Variants in PHF21A observed in about 807,000 individuals in gnomAD.
PHF21A encodes PHD finger protein 21A, also known as BHC80a.
Under a neutral mutation model 82.5 loss-of-function variants are expected in PHF21A, and 11 were observed. The ratio of observed to expected loss-of-function variants is 0.13; its 90% CI spans 0.08 to 0.22. The LOEUF (loss-of-function observed/expected upper bound fraction) is 0.22, where lower values mean the gene tolerates loss of function less well. Ranked by LOEUF, PHF21A falls within the 10% of genes least tolerant of loss-of-function variation. PHF21A has a pLI of 1.00. For synonymous variants in PHF21A, 297 were observed against 302.8 expected, an observed-to-expected ratio of 0.98 and a Z score of 0.20; for missense variants, 579 against 837.8, an observed-to-expected ratio of 0.69 and a Z score of 3.81.
At chr11:45,959,786 C>T (rs1352572374) in intron 10 of PHF21A, among the ~76,000 whole-genome samples, 3 of 152,110 alleles carry the variant, frequency 2.0e-5, no homozygotes, top group Admixed American at 6.6e-5. Context: ...AAAATATTTG[C>T]AAATCATGTA....
chr11:46,023,916 A>G (rs1033946198), intron 6 of PHF21A, among the ~76,000 whole-genome samples: 1 of 152,218 alleles, frequency 6.6e-6, no homozygotes, highest in Non-Finnish European at 1.5e-5. Flanking sequence ...AGATCGTGCC[A>G]TTGCACTCCA....
At chr11:46,004,315 A>G (rs2095237310) in intron 6 of PHF21A, among the ~76,000 whole-genome samples, 1 of 152,180 alleles carries the variant, frequency 6.6e-6, no homozygotes, top group Admixed American at 6.5e-5. Context: ...GACATCACAG[A>G]TGGTGTTTTC....
At chr11:46,042,937 A>T (rs1420777090) in intron 6 of PHF21A, among the ~76,000 whole-genome samples, 2 of 152,096 alleles carry the variant, frequency 1.3e-5, no homozygotes, top group African/African-American at 2.4e-5. Context: ...ATCCAGTCTG[A>T]GGTATTTTGT....
chr11:45,936,638 C>T, intron 16 of PHF21A, 69 bp from the exon 17 acceptor site: 1 of 1,005,062 alleles, frequency 9.9e-7, no homozygotes, highest in Non-Finnish European at 1.6e-6. Context: ...TAACAGCTAG[C>T]AGTGGTATCT....
intron 1 of PHF21A, among the ~76,000 whole-genome samples, chr11:46,097,223 G>C (rs2097011854): frequency 6.6e-6 from 1 of 152,064 alleles, no homozygotes; most frequent in Non-Finnish European, 1.5e-5. Context: ...CAAAATCCAA[G>C]ACAGATCTTG....
chr11:45,949,048 A>G, intron 13 of PHF21A, 102 bp from the exon 14 acceptor site: 2 of 898,686 alleles, frequency 2.2e-6, no homozygotes, highest in Admixed American at 1.7e-5. Flanking sequence ...CAACATGCCG[A>G]CTAGTTAGTG....
At chr11:46,052,306 G>A (rs2096380302) in intron 6 of PHF21A, among the ~76,000 whole-genome samples, 1 of 152,198 alleles carries the variant, frequency 6.6e-6, no homozygotes, top group Non-Finnish European at 1.5e-5. Flanking sequence ...GCCAAAAGAG[G>A]GAGAAAGTGT....
At chr11:46,011,255 G>A (rs1565526571) in intron 6 of PHF21A, among the ~76,000 whole-genome samples, 1 of 152,178 alleles carries the variant, frequency 6.6e-6, no homozygotes. Flanking sequence ...TTGGGAGGCA[G>A]AGGAGGGCAG....
chr11:46,074,449 C>A (rs2096699010), intron 6 of PHF21A, among the ~76,000 whole-genome samples: 1 of 132,920 alleles, frequency 7.5e-6, no homozygotes, highest in East Asian at 2.0e-4. Flanking sequence ...GGATAAGTGG[C>A]TCTTTTGGCG....
intron 4 of PHF21A, 98 bp from the exon 5 acceptor site, chr11:46,079,264 CA>C (rs999823137): frequency 2.8e-4 from 222 of 789,720 alleles, no homozygotes; most frequent in Middle Eastern, 4.9e-4. Context: ...TAAGTTAACA[CA>C]AAAAAAAGAG....
rs1382807916 is a variant in PHF21A at position 45,930,959 on chromosome 11, G to C, written c.*3009C>G. The stretch of plus-strand genomic sequence containing the variant: ...GGGACAGTGAAGGACAGGGAGATTG[G>C]GTGCCAGGGGCCTCTTCTTTACAGT... On this transcript the variant is annotated 3_prime_UTR_variant, in exon 19 of 19. Coordinates refer to ENST00000676320, the MANE Select transcript of PHF21A (RefSeq NM_001352027.3). 1.4e-5 allele frequency: 2 copies of C among 145,928 alleles called. No individual in the cohort carries two copies. Among genetic ancestry groups the C allele is most frequent in the African/African-American group, 5.0e-5 (2 of 40,146 alleles). The allele number at this position is 145,928 out of a possible 1,614,324, so 9.0% of individuals were successfully genotyped here.
At chr11:46,055,837 A>T (rs907956948) in intron 6 of PHF21A, among the ~76,000 whole-genome samples, 3 of 152,104 alleles carry the variant, frequency 2.0e-5, no homozygotes, top group Non-Finnish European at 4.4e-5. Flanking sequence ...AACGCTCAAC[A>T]TATTATTTTA....
intron 6 of PHF21A, among the ~76,000 whole-genome samples, chr11:46,033,559 T>C (rs2095913980): frequency 6.6e-6 from 1 of 152,190 alleles, no homozygotes; most frequent in East Asian, 1.9e-4. Flanking sequence ...CCACCATGCT[T>C]AGCCCATTTT....
intron 6 of PHF21A, among the ~76,000 whole-genome samples, chr11:45,989,401 TC>T (rs2094599700): frequency 6.8e-6 from 1 of 146,024 alleles, no homozygotes; most frequent in Non-Finnish European, 1.5e-5. Context: ...ATGCCTATAA[TC>T]CCAGCACTTT....
chr11:46,049,100 A>C (rs2096303712), intron 6 of PHF21A, among the ~76,000 whole-genome samples: 1 of 152,196 alleles, frequency 6.6e-6, no homozygotes, highest in Non-Finnish European at 1.5e-5. Context: ...TTTAGAAAGG[A>C]GAGATTATCA....
chr11:46,117,551 A>T (rs1851682196), intron 1 of PHF21A, among the ~76,000 whole-genome samples: 2 of 152,208 alleles, frequency 1.3e-5, no homozygotes, highest in Admixed American at 6.5e-5. Flanking sequence ...ATAGTCTGTA[A>T]ATCCGAGGGG....
intron 6 of PHF21A, among the ~76,000 whole-genome samples, chr11:45,994,634 TTA>T (rs1452252320): frequency 6.6e-6 from 1 of 152,178 alleles, no homozygotes; most frequent in Non-Finnish European, 1.5e-5. Flanking sequence ...CCAAGAGTGG[TTA>T]TGTTTTAGGC....
intron 10 of PHF21A, among the ~76,000 whole-genome samples, chr11:45,960,798 C>T (rs61882501): frequency 0.019 from 2,925 of 152,256 alleles, 56 homozygotes; most frequent in Non-Finnish European, 0.031. Context: ...GATGCAGACT[C>T]GAAATTGTCT....
intron 1 of PHF21A, among the ~76,000 whole-genome samples, chr11:46,096,181 T>A (rs1452018878): frequency 6.6e-6 from 1 of 151,986 alleles, no homozygotes; most frequent in Non-Finnish European, 1.5e-5. Flanking sequence ...TCTCTTACCC[T>A]CTCCTGGACA....
Sources: gnomAD v4.1 joint callset for allele counts (sites outside exome capture counted in the v4.1 genomes callset) on GRCh38, gnomAD v4.1.1 for gene constraint, MANE v1.5 for transcripts, NCBI Gene and HGNC (gene_info 2026-07-23, HGNC 2026-07-21) for gene names.